Variants in ACACA observed in about 807,000 individuals in gnomAD.
ACACA encodes the protein acetyl-CoA carboxylase 1.
A neutral mutation model predicts 296.1 loss-of-function variants in ACACA; 103 were observed. The observed-to-expected ratio is 0.35, with a 90% CI of 0.30 to 0.41. The LOEUF is 0.41. Ranked by LOEUF, ACACA falls within the 10% of genes least tolerant of loss-of-function variation. ACACA has a pLI of 1.00. For synonymous variants in ACACA, 953 were observed against 1,038.6 expected (o/e 0.92, Z 1.58); for missense variants, 1,554 against 2,989.7 (o/e 0.52, Z 11.20).
chr17:37,165,307 G>T (rs1354421192), intron 41 of ACACA, among the ~76,000 whole-genome samples: 1 of 151,886 alleles, frequency 6.6e-6, no homozygotes, highest in South Asian at 2.1e-4. Flanking sequence ...CAAAGGATAG[G>T]GCATATAAAG....
chr17:37,237,093 T>C (rs566280380), intron 24 of ACACA, among the ~76,000 whole-genome samples: 14 of 152,322 alleles, frequency 9.2e-5, no homozygotes, highest in African/African-American at 3.4e-4. Flanking sequence ...ATAGCTTAAT[T>C]TTCCTGGTTT....
intron 16 of ACACA, 101 bp from the exon 17 acceptor site, chr17:37,248,775 T>A: frequency 1.2e-6 from 1 of 825,186 alleles, no homozygotes; most frequent in Non-Finnish European, 2.0e-6. Flanking sequence ...AACAAAAGAC[T>A]AGAAACAACC....
At chr17:37,305,205 T>C (rs1305342062) in intron 3 of ACACA, among the ~76,000 whole-genome samples, 1 of 152,216 alleles carries the variant, frequency 6.6e-6, no homozygotes, top group Non-Finnish European at 1.5e-5. Flanking sequence ...AATTTACAAA[T>C]TGAACATATG....
intron 41 of ACACA, among the ~76,000 whole-genome samples, chr17:37,167,423 A>AT (rs1322028067): frequency 6.6e-6 from 1 of 151,242 alleles, no homozygotes; most frequent in Non-Finnish European, 1.5e-5. Context: ...GGTTCAAGTG[A>AT]TTATCCTGCC....
At chr17:37,310,074 A>T (rs2084060666) in intron 3 of ACACA, among the ~76,000 whole-genome samples, 1 of 152,194 alleles carries the variant, frequency 6.6e-6, no homozygotes, top group African/African-American at 2.4e-5. Context: ...TTTGTATCTT[A>T]TGCTATGTGC....
At chr17:37,312,030 C>G (rs2084175468) in intron 3 of ACACA, among the ~76,000 whole-genome samples, 1 of 152,000 alleles carries the variant, frequency 6.6e-6, no homozygotes, top group Non-Finnish European at 1.5e-5. Context: ...GTGAGGAGAT[C>G]ACTTGAGGCC....
chr17:37,123,408 T>C (rs953231480), intron 48 of ACACA, among the ~76,000 whole-genome samples: 6 of 152,180 alleles, frequency 3.9e-5, no homozygotes, highest in Non-Finnish European at 8.8e-5. Context: ...GACTTCCCAA[T>C]TTGGTCCTCA....
chr17:37,312,361 A>G (rs192516616), intron 3 of ACACA, among the ~76,000 whole-genome samples: 1 of 152,352 alleles, frequency 6.6e-6, no homozygotes, highest in East Asian at 1.9e-4. Flanking sequence ...AAGAATCTGA[A>G]TACCATGACT....
At chr17:37,155,652 G>T in intron 43 of ACACA, 31 bp downstream of exon 43, 1 of 1,468,606 alleles carries the variant, frequency 6.8e-7, no homozygotes, top group South Asian at 1.1e-5. Flanking sequence ...CTTTAGTCAT[G>T]ACCAAATTAT....
intron 55 of ACACA, 60 bp downstream of exon 55, chr17:37,088,878 C>CTT: frequency 2.5e-6 from 4 of 1,594,458 alleles, no homozygotes; most frequent in Non-Finnish European, 3.4e-6. Context: ...TGTTTGGAAA[C>CTT]TTTTTATTCC....
intron 1 of ACACA, among the ~76,000 whole-genome samples, chr17:37,381,916 T>C (rs78170395): frequency 0.046 from 6,979 of 152,046 alleles, 425 homozygotes; most frequent in African/African-American, 0.14. Context: ...CGTGAGCCAC[T>C]GCACCCGGCC....
At chr17:37,366,544 C>T (rs2049611501) in intron 1 of ACACA, among the ~76,000 whole-genome samples, 1 of 151,150 alleles carries the variant, frequency 6.6e-6, no homozygotes, top group African/African-American at 2.4e-5. Flanking sequence ...TATCAGCTCA[C>T]TGCAACCTCT....
intron 1 of ACACA, chr17:37,387,528 C>A (rs1425847009): frequency 6.6e-6 from 1 of 151,814 alleles, no homozygotes; most frequent in African/African-American, 2.4e-5. Context: ...CTTACTGCAA[C>A]CTCTGCCTCC....
intron 1 of ACACA, among the ~76,000 whole-genome samples, chr17:37,340,215 C>T (rs2048321397): frequency 1.3e-5 from 2 of 152,190 alleles, no homozygotes; most frequent in South Asian, 2.1e-4. Context: ...CTACAATTCA[C>T]TTAAGCTCTG....
At chr17:37,377,766 G>A in intron 1 of ACACA, 2 of 706,374 alleles carry the variant, frequency 2.8e-6, no homozygotes, top group Admixed American at 2.9e-5. Flanking sequence ...AGCAGGAACT[G>A]CAATCTTTCA....
chr17:37,257,824 G>A lies in ACACA; in HGVS notation c.1705C>T (p.Arg569Cys), dbSNP rs145246486. 16 of 1,613,992 alleles carry A rather than the reference G, an allele frequency of 9.9e-6. No homozygotes were observed. The highest frequency in any genetic ancestry group is 4.0e-5 in the African/African-American group (3 of 74,920). Residue 569 changes from arginine (R) to cysteine (C), a missense_variant, in exon 14 of 56, where the codon CGC (arginine) becomes TGC (cysteine). Physicochemically the swap from Arg to Cys is radical, Grantham distance 180. Coordinates refer to ENST00000616317, the MANE Select transcript of ACACA (RefSeq NM_198834.3). ...TATCCCCAAACATTCTTATTGCTGC[G>A]GAAATTTAGCTCCTGAACTGTTCCT... is the stretch of plus-strand genomic sequence containing the variant. ...SSGTVQELNF[R>C]SNKNVWGYFS...
At chr17:37,362,165 A>C (rs2049429426) in intron 1 of ACACA, among the ~76,000 whole-genome samples, 3 of 152,206 alleles carry the variant, frequency 2.0e-5, no homozygotes, top group Admixed American at 6.5e-5. Context: ...CTGACACCTT[A>C]ATCTTGGACT....
chr17:37,156,051 T>TTG (rs2076231528), intron 42 of ACACA, among the ~76,000 whole-genome samples: 1 of 146,266 alleles, frequency 6.8e-6, no homozygotes, highest in Non-Finnish European at 1.5e-5. Flanking sequence ...CTTTCTTTCT[T>TTG]TCTTTTTTTT....
rs575833736 is a variant in ACACA at position 37,330,464 on chromosome 17, A to C, written c.86-39T>G. 36 of 1,611,724 alleles carry C rather than the reference A, an allele frequency of 2.2e-5. No homozygotes were observed. The South Asian group carries it at 3.8e-4, about 17-fold the overall frequency. ...GAAAAGTGAGAAAGGCAGGTTATGA[A>C]TAATAATCTATATCTGAGGTCAGCC... On this transcript the variant is annotated intron_variant, in intron 2 of 55. Transcript: ENST00000616317.
Sources: gnomAD v4.1 joint callset for allele counts (sites outside exome capture counted in the v4.1 genomes callset) on GRCh38, gnomAD v4.1.1 for gene constraint, MANE v1.5 for transcripts, NCBI Gene and HGNC (gene_info 2026-07-23, HGNC 2026-07-21) for gene names.